The following MNAT1 variants were observed in gnomAD, a reference collection of about 807,000 sequenced individuals.
The protein encoded by MNAT1 is CDK-activating kinase assembly factor MAT1.
In MNAT1, 43 loss-of-function variants were observed where a neutral mutation model predicts 42.0. The ratio of observed to expected loss-of-function variants is 1.02; its 90% CI spans 0.80 to 1.32. MNAT1 has a LOEUF of 1.32. MNAT1 is among the 40% of genes most tolerant of loss of function. MNAT1 has a pLI of 0.00. For missense variants in MNAT1, 306 were observed against 350.4 expected (o/e 0.87, Z 1.01); for synonymous variants, 118 against 120.0 (o/e 0.98, Z 0.11).
chr14:60,940,610 G>A (rs1027740129), intron 7 of MNAT1, among the ~76,000 whole-genome samples: 2 of 152,026 alleles, frequency 1.3e-5, no homozygotes, highest in Non-Finnish European at 2.9e-5. Context: ...GTAGAGAGGG[G>A]GTTTCACTGT....
At chr14:60,909,698 C>T (rs1339526355) in intron 7 of MNAT1, among the ~76,000 whole-genome samples, 1 of 152,140 alleles carries the variant, frequency 6.6e-6, no homozygotes, top group Non-Finnish European at 1.5e-5. Flanking sequence ...TGTTTTGGTA[C>T]CAGTACCATG....
intron 7 of MNAT1, among the ~76,000 whole-genome samples, chr14:60,929,167 AAAAAT>A (rs1485588086): frequency 0.026 from 2,290 of 89,102 alleles, 5 homozygotes; most frequent in Non-Finnish European, 0.042. Flanking sequence ...AAAAAAAAAA[AAAAAT>A]ATATATATAT....
At chr14:60,833,659 C>A (rs560949085) in intron 6 of MNAT1, among the ~76,000 whole-genome samples, 15 of 152,136 alleles carry the variant, frequency 9.9e-5, no homozygotes, top group African/African-American at 3.4e-4. Flanking sequence ...TGTGTCTCTG[C>A]CAGATTTTGG....
At chr14:60,940,785 T>C (rs1454363959) in intron 7 of MNAT1, among the ~76,000 whole-genome samples, 1 of 152,184 alleles carries the variant, frequency 6.6e-6, no homozygotes, top group Admixed American at 6.5e-5. Context: ...ATGAGATATC[T>C]AAAAGGATGG....
chr14:60,856,804 C>A (rs530022614), intron 6 of MNAT1, among the ~76,000 whole-genome samples: 19 of 151,972 alleles, frequency 1.3e-4, no homozygotes, highest in Non-Finnish European at 2.2e-4. Context: ...CCTCAGCCTC[C>A]TGAGTAGCTG....
At chr14:60,841,147 C>CTCTCTCTCTTTCTCTCTCTCCT (rs2033540740) in intron 6 of MNAT1, among the ~76,000 whole-genome samples, 1 of 151,428 alleles carries the variant, frequency 6.6e-6, no homozygotes, top group African/African-American at 2.4e-5. Flanking sequence ...CTCTCTCTCC[C>CTCTCTCTCTTTCTCTCTCTCCT]TCTCTCCCTT....
chr14:60,836,318 A>T (rs966733136), intron 6 of MNAT1, among the ~76,000 whole-genome samples: 9 of 152,048 alleles, frequency 5.9e-5, no homozygotes, highest in Admixed American at 5.2e-4. Flanking sequence ...AAGAGGTGTT[A>T]TGCTTTTTGG....
At chr14:60,799,181 T>C in intron 3 of MNAT1, 2 of 905,498 alleles carry the variant, frequency 2.2e-6, no homozygotes, top group Non-Finnish European at 2.6e-6. Context: ...TTAGGGTTTC[T>C]CTGGGATCTT....
chr14:60,771,818 C>T (rs1055090264), intron 1 of MNAT1, among the ~76,000 whole-genome samples: 1 of 152,150 alleles, frequency 6.6e-6, no homozygotes. Context: ...ATTCCTAATG[C>T]CTCAAACAGT....
At chr14:60,890,634 C>G (rs909432025) in intron 7 of MNAT1, among the ~76,000 whole-genome samples, 4 of 152,152 alleles carry the variant, frequency 2.6e-5, no homozygotes, top group Admixed American at 2.0e-4. Flanking sequence ...GTGCCCCTGG[C>G]AAACCACTGG....
At chr14:60,821,168 G>C (rs780643743) in intron 6 of MNAT1, among the ~76,000 whole-genome samples, 3 of 152,064 alleles carry the variant, frequency 2.0e-5, no homozygotes, top group Non-Finnish European at 4.4e-5. Context: ...TTAATATAGA[G>C]ACAGGGTCTC....
At chr14:60,745,957 G>A (rs1469907761) in intron 1 of MNAT1, among the ~76,000 whole-genome samples, 2 of 152,258 alleles carry the variant, frequency 1.3e-5, no homozygotes, top group East Asian at 3.9e-4. Flanking sequence ...TAATTACAGT[G>A]AAGATCTCAA....
chr14:60,817,709 A>G (rs1566779261), intron 5 of MNAT1, among the ~76,000 whole-genome samples: 2 of 152,078 alleles, frequency 1.3e-5, no homozygotes, highest in African/African-American at 4.8e-5. Context: ...TGTGCTGTGA[A>G]ATGTTAACAA....
At chr14:60,790,663 G>A (rs1466376084) in intron 1 of MNAT1, among the ~76,000 whole-genome samples, 4 of 152,162 alleles carry the variant, frequency 2.6e-5, no homozygotes, top group Non-Finnish European at 5.9e-5. Context: ...CTGAGGGTGT[G>A]TCCTTAACTT....
chr14:60,758,364 C>T (rs889844464), intron 1 of MNAT1, among the ~76,000 whole-genome samples: 1 of 151,976 alleles, frequency 6.6e-6, no homozygotes, highest in Non-Finnish European at 1.5e-5. Context: ...TGCCACTACA[C>T]CTGGCTAATT....
chr14:60,897,601 T>C (rs1392709303), intron 7 of MNAT1, among the ~76,000 whole-genome samples: 1 of 152,116 alleles, frequency 6.6e-6, no homozygotes, highest in Non-Finnish European at 1.5e-5. Context: ...CAGAATGAAA[T>C]TTTTTTCTTT....
intron 1 of MNAT1, among the ~76,000 whole-genome samples, chr14:60,746,897 C>CATATATGTATATATATAT (rs1491444247): frequency 9.1e-5 from 2 of 21,966 alleles, no homozygotes; most frequent in Admixed American, 5.9e-4. Context: ...AGATTCATTT[C>CATATATGTATATATATAT]ATATATATAT....
At chr14:60,741,811 A>ATCCATT (rs1404063087) in intron 1 of MNAT1, among the ~76,000 whole-genome samples, 2 of 151,710 alleles carry the variant, frequency 1.3e-5, no homozygotes, top group Non-Finnish European at 2.9e-5. Context: ...CCTGGCCCCC[A>ATCCATT]TCCATTTACT....
intron 7 of MNAT1, among the ~76,000 whole-genome samples, chr14:60,891,731 G>A (rs1368939391): frequency 6.6e-6 from 1 of 152,168 alleles, no homozygotes; most frequent in Non-Finnish European, 1.5e-5. Flanking sequence ...GGGATTACAG[G>A]TGTGAGACAC....
Sources: gnomAD v4.1 joint callset for allele counts (sites outside exome capture counted in the v4.1 genomes callset) on GRCh38, gnomAD v4.1.1 for gene constraint, MANE v1.5 for transcripts, NCBI Gene and HGNC (gene_info 2026-07-23, HGNC 2026-07-21) for gene names.